The following EPHA7 variants were observed in gnomAD, a reference collection of about 807,000 sequenced individuals.
EPHA7 encodes the protein ephrin type-A receptor 7.
In EPHA7, 25 loss-of-function variants were observed where a neutral mutation model predicts 112.6. The observed-to-expected ratio is 0.22, with a 90% CI of 0.16 to 0.31. EPHA7 has a LOEUF of 0.31. Among genes scored for constraint, EPHA7 ranks in the 10% least tolerant of loss-of-function variants. EPHA7 has a pLI of 1.00. For missense variants in EPHA7, 962 were observed against 1,212.6 expected, an observed-to-expected ratio of 0.79 and a Z score of 3.07; for synonymous variants, 437 against 406.5, an observed-to-expected ratio of 1.07 and a Z score of -0.90.
intron 3 of EPHA7, among the ~76,000 whole-genome samples, chr6:93,375,583 ACT>A (rs781011724): frequency 1.8e-4 from 27 of 151,744 alleles, no homozygotes; most frequent in Non-Finnish European, 3.4e-4. Context: ...AGAGACCTTG[ACT>A]CAAAAAACAA....
At chr6:93,264,530 G>C in intron 8 of EPHA7, 64 bp downstream of exon 8, 1 of 1,027,834 alleles carries the variant, frequency 9.7e-7, no homozygotes, top group Non-Finnish European at 1.5e-6. Context: ...TAAGTAATAG[G>C]CTGACATAAT....
At chr6:93,263,982 G>A in intron 8 of EPHA7, 67 bp from the exon 9 acceptor site, 2 of 1,212,750 alleles carry the variant, frequency 1.6e-6, no homozygotes, top group South Asian at 2.7e-5. Flanking sequence ...TCAGTACAAT[G>A]TACCTTAGTT....
intron 4 of EPHA7, among the ~76,000 whole-genome samples, 178 bp from the exon 5 acceptor site, chr6:93,357,230 A>G (rs1775994056): frequency 6.6e-6 from 1 of 152,214 alleles, no homozygotes; most frequent in East Asian, 1.9e-4. Context: ...GAGAAGCTGT[A>G]TAAAAGCCTC....
In EPHA7 at chr6:93,240,634, A is replaced by G. The variant is rs1769650893; in HGVS notation, c.*2792T>C. ...CAAGTGTGAGGACAGTGTTCTAAAA[A>G]AGGTGGCTCTATTAAAGCAAGGAGG... On this transcript the variant is annotated 3_prime_UTR_variant, in exon 17 of 17. Coordinates refer to ENST00000369303, the MANE Select transcript of EPHA7 (RefSeq NM_004440.4). 1 of 215,906 alleles carries G rather than the reference A, an allele frequency of 4.6e-6. No homozygotes were observed. The highest frequency in any genetic ancestry group is 2.3e-5 in the African/African-American group (1 of 44,428). The allele number at this position is 215,906 out of a possible 1,614,324, so 13.4% of individuals were successfully genotyped here. A position where few individuals can be genotyped will look rare whatever the true frequency, so the allele number is the denominator to read the frequency against.
intron 2 of EPHA7, among the ~76,000 whole-genome samples, chr6:93,413,641 A>C (rs1448094347): frequency 6.6e-6 from 1 of 151,926 alleles, no homozygotes. Flanking sequence ...GTTGTCATTG[A>C]TTTATAATTT....
chr6:93,360,075 A>G (rs1290174747), intron 3 of EPHA7, among the ~76,000 whole-genome samples: 1 of 152,198 alleles, frequency 6.6e-6, no homozygotes, highest in Non-Finnish European at 1.5e-5. Flanking sequence ...GCAAAGATGC[A>G]TAATGCATCT....
intron 6 of EPHA7, 113 bp from the exon 7 acceptor site, chr6:93,269,773 G>T: frequency 1.3e-6 from 1 of 783,730 alleles, no homozygotes; most frequent in Non-Finnish European, 1.9e-6. Flanking sequence ...AGGCTACATT[G>T]TACTTTGTGG....
At chr6:93,243,651 T>C (rs1769780281) in intron 16 of EPHA7, 111 bp from the exon 17 acceptor site, 1 of 712,474 alleles carries the variant, frequency 1.4e-6, no homozygotes, top group Non-Finnish European at 2.5e-6. Flanking sequence ...ATAGATCTTA[T>C]CTTAGTGTTC....
intron 3 of EPHA7, among the ~76,000 whole-genome samples, chr6:93,404,314 G>T (rs1778582670): frequency 6.6e-6 from 1 of 151,936 alleles, no homozygotes; most frequent in Non-Finnish European, 1.5e-5. Flanking sequence ...TATGATAAAT[G>T]AAAGAAAATG....
chr6:93,298,972 A>T (rs1185033725), intron 5 of EPHA7, among the ~76,000 whole-genome samples: 3 of 152,196 alleles, frequency 2.0e-5, no homozygotes, highest in African/African-American at 7.2e-5. Context: ...AACATTAAAA[A>T]GTGGGCACAG....
At chr6:93,399,193 T>A (rs1778321744) in intron 3 of EPHA7, among the ~76,000 whole-genome samples, 1 of 152,108 alleles carries the variant, frequency 6.6e-6, no homozygotes, top group African/African-American at 2.4e-5. Flanking sequence ...AGGTGCCCAC[T>A]GTTCTCATTT....
intron 5 of EPHA7, among the ~76,000 whole-genome samples, chr6:93,296,918 T>G (rs7747629): frequency 0.065 from 9,817 of 151,998 alleles, 606 homozygotes; most frequent in African/African-American, 0.17. Flanking sequence ...GTGTTTGGAT[T>G]CCTGCTAAAT....
chr6:93,379,507 T>C (rs554399257), intron 3 of EPHA7, among the ~76,000 whole-genome samples: 1 of 152,012 alleles, frequency 6.6e-6, no homozygotes, highest in Non-Finnish European at 1.5e-5. Context: ...GGATACGATA[T>C]GTAACAATAA....
chr6:93,350,024 CAAAGT>C (rs1427482268), intron 5 of EPHA7, among the ~76,000 whole-genome samples: 1 of 151,824 alleles, frequency 6.6e-6, no homozygotes, highest in African/African-American at 2.4e-5. Context: ...CATTACAAAT[CAAAGT>C]AAAGGGAATA....
intron 3 of EPHA7, among the ~76,000 whole-genome samples, chr6:93,395,617 G>A (rs1210605132): frequency 7.4e-6 from 1 of 134,660 alleles, no homozygotes; most frequent in Non-Finnish European, 1.6e-5. Context: ...ACACACATCT[G>A]TCCGTCACTC....
chr6:93,373,044 T>C (rs772812742), intron 3 of EPHA7, among the ~76,000 whole-genome samples: 1 of 152,018 alleles, frequency 6.6e-6, no homozygotes, highest in African/African-American at 2.4e-5. Context: ...ATTGTCAAAA[T>C]AGTTGTCTGG....
intron 5 of EPHA7, among the ~76,000 whole-genome samples, chr6:93,278,598 A>G (rs1771578536): frequency 6.6e-6 from 1 of 152,062 alleles, no homozygotes; most frequent in African/African-American, 2.4e-5. Context: ...TACTATATGC[A>G]AGGCATTGTG....
At chr6:93,281,447 A>G (rs1771732297) in intron 5 of EPHA7, among the ~76,000 whole-genome samples, 1 of 152,192 alleles carries the variant, frequency 6.6e-6, no homozygotes, top group Admixed American at 6.5e-5. Flanking sequence ...CACAAGGTCA[A>G]CTATATAACT....
At chr6:93,308,231 C>T (rs1377150412) in intron 5 of EPHA7, among the ~76,000 whole-genome samples, 3 of 152,034 alleles carry the variant, frequency 2.0e-5, no homozygotes, top group Non-Finnish European at 4.4e-5. Context: ...CTGTCAGCAT[C>T]CCCTCTTGCT....
Sources: allele counts gnomAD v4.1 joint callset (sites outside exome capture counted in the v4.1 genomes callset), GRCh38; gene constraint gnomAD v4.1.1; transcripts MANE v1.5; gene names NCBI Gene and HGNC (gene_info 2026-07-23, HGNC 2026-07-21).